The following CMIP variants were observed in gnomAD, a reference collection of about 807,000 sequenced individuals.
CMIP encodes the protein C-Maf-inducing protein.
In CMIP, 13 loss-of-function variants were observed where a neutral mutation model predicts 97.3. The ratio of observed to expected loss-of-function variants is 0.13; its 90% CI spans 0.09 to 0.21. The LOEUF (loss-of-function observed/expected upper bound fraction) is 0.21, where lower values mean the gene tolerates loss of function less well. Ranked by LOEUF, CMIP falls within the 10% of genes least tolerant of loss-of-function variation. CMIP has a pLI of 1.00. For missense variants in CMIP, 847 were observed against 1,024.9 expected (o/e 0.83, Z 2.37); for synonymous variants, 538 against 436.3 (o/e 1.23, Z -2.91).
intron 3 of CMIP, among the ~76,000 whole-genome samples, chr16:81,637,584 C>T (rs917698366): frequency 1.3e-5 from 2 of 152,114 alleles, no homozygotes; most frequent in African/African-American, 2.4e-5. Flanking sequence ...TCATAAGAAG[C>T]GGAAAAGAAA....
intron 1 of CMIP, among the ~76,000 whole-genome samples, chr16:81,489,649 C>T (rs1021614106): frequency 1.3e-5 from 2 of 152,236 alleles, no homozygotes; most frequent in Admixed American, 6.5e-5. Flanking sequence ...GTGGGATGGC[C>T]TTGGCTCCTG....
intron 10 of CMIP, among the ~76,000 whole-genome samples, chr16:81,689,501 G>C (rs1905813097): frequency 6.6e-6 from 1 of 152,050 alleles, no homozygotes; most frequent in Admixed American, 6.6e-5. Context: ...TTTTTGATGG[G>C]GTTGATTTTT....
chr16:81,661,544 T>C (rs2151020753), intron 6 of CMIP, among the ~76,000 whole-genome samples: 1 of 152,306 alleles, frequency 6.6e-6, no homozygotes, highest in East Asian at 1.9e-4. Context: ...TTCTCAGCAC[T>C]CCCCTGTCAT....
chr16:81,668,246 G>A, intron 7 of CMIP, among the ~76,000 whole-genome samples: 1 of 152,152 alleles, frequency 6.6e-6, no homozygotes, highest in East Asian at 1.9e-4. Flanking sequence ...GTTTATGGAG[G>A]GTCGGGGGCA....
At position 81,551,128 on chromosome 16, in the gene CMIP, C is replaced by T. The variant is rs369527345; in HGVS notation, c.301-56439C>T. Among the ~76,000 whole-genome samples, 21 of 149,540 alleles carry T rather than the reference C, an allele frequency of 1.4e-4. 1 individual carries two copies. In the East Asian group the frequency reaches 1.8e-3, roughly 13 times the overall value. On this transcript the variant is annotated intron_variant, in intron 1 of 20. Transcript: ENST00000537098. Reference sequence around the variant, plus strand: ...TCACATATATCCCAGTTCCATCACACGCACCCCAGTTCCATCACACACACC... The same window carrying T: ...TCACATATATCCCAGTTCCATCACATGCACCCCAGTTCCATCACACACACC...
At chr16:81,564,402 G>C (rs1035998621) in intron 1 of CMIP, among the ~76,000 whole-genome samples, 12 of 152,204 alleles carry the variant, frequency 7.9e-5, no homozygotes, top group Non-Finnish European at 1.8e-4. Context: ...TGTTATACAT[G>C]TAATGGTCTC....
intron 1 of CMIP, among the ~76,000 whole-genome samples, chr16:81,473,725 C>T (rs551151469): frequency 3.0e-4 from 45 of 151,632 alleles, no homozygotes; most frequent in Non-Finnish European, 2.5e-4. Context: ...CGCGGGGACG[C>T]AGGGACGCAT....
chr16:81,657,891 G>A, intron 5 of CMIP, 75 bp downstream of exon 5: 1 of 1,310,412 alleles, frequency 7.6e-7, no homozygotes, highest in Middle Eastern at 1.9e-4. Context: ...CTGGTTTGGG[G>A]TAATTCTGGC....
At chr16:81,474,732 G>T (rs984747933) in intron 1 of CMIP, among the ~76,000 whole-genome samples, 2 of 152,184 alleles carry the variant, frequency 1.3e-5, no homozygotes, top group Non-Finnish European at 2.9e-5. Context: ...CTCCTCCTGG[G>T]GCTCCCTCTC....
At chr16:81,629,486 A>G (rs1021775087) in intron 3 of CMIP, among the ~76,000 whole-genome samples, 2 of 152,160 alleles carry the variant, frequency 1.3e-5, no homozygotes, top group African/African-American at 4.8e-5. Flanking sequence ...TCTTGAGGGA[A>G]GACGTTGCCC....
Position 81,506,540 on chromosome 16 carries a change from A to G in CMIP, c.300+60999A>G, listed in dbSNP as rs893355072. On this transcript the variant is annotated intron_variant, in intron 1 of 20. Coordinates refer to ENST00000537098, the MANE Select transcript of CMIP (RefSeq NM_198390.3). The stretch of plus-strand genomic sequence containing the variant: ...ATTAAAATGGGTAATGGAAATAACA[A>G]TCAGTAATGGCTTAAGAACAGAAGC... Among the ~76,000 whole-genome samples the G allele has an allele frequency of 3.9e-5, 6 of 152,262 alleles. No homozygotes were observed. In the East Asian group the frequency reaches 7.7e-4, roughly 20 times the overall value.
chr16:81,703,506 C>T (rs1005362585), intron 17 of CMIP, among the ~76,000 whole-genome samples: 2 of 152,014 alleles, frequency 1.3e-5, no homozygotes, highest in Admixed American at 6.6e-5. Flanking sequence ...CACACACACA[C>T]ACAAATATAC....
At chr16:81,452,023 T>C (rs531503929) in intron 1 of CMIP, among the ~76,000 whole-genome samples, 2 of 151,918 alleles carry the variant, frequency 1.3e-5, no homozygotes, top group East Asian at 3.9e-4. Context: ...GTGGGGGAGG[T>C]GTTTGCTGTG....
intron 1 of CMIP, among the ~76,000 whole-genome samples, chr16:81,509,099 GA>G (rs992879692): frequency 4.6e-5 from 7 of 152,202 alleles, no homozygotes; most frequent in African/African-American, 9.6e-5. Context: ...TCTTCAGAGA[GA>G]AAAAGTGCCA....
intron 1 of CMIP, among the ~76,000 whole-genome samples, chr16:81,568,800 C>T (rs2091031129): frequency 6.6e-6 from 1 of 152,166 alleles, no homozygotes; most frequent in Non-Finnish European, 1.5e-5. Context: ...CCAGCCTCGC[C>T]ATAAACCAGT....
At chr16:81,636,504 C>T (rs189905906) in intron 3 of CMIP, among the ~76,000 whole-genome samples, 125 of 151,236 alleles carry the variant, frequency 8.3e-4, no homozygotes, top group African/African-American at 3.0e-3. Context: ...TCGCTTGAAC[C>T]CAGGGGGCAG....
chr16:81,509,458 C>T (rs553456899), intron 1 of CMIP, among the ~76,000 whole-genome samples: 131 of 152,338 alleles, frequency 8.6e-4, no homozygotes, highest in Admixed American at 1.6e-3. Flanking sequence ...CTGCCTCCTT[C>T]CTGCGTGCAC....
At chr16:81,480,212 G>A (rs1277508490) in intron 1 of CMIP, among the ~76,000 whole-genome samples, 1 of 152,176 alleles carries the variant, frequency 6.6e-6, no homozygotes. Context: ...GGTTATAGAG[G>A]TCAGGTAACT....
intron 4 of CMIP, among the ~76,000 whole-genome samples, chr16:81,654,390 G>A (rs1366389388): frequency 6.6e-6 from 1 of 152,334 alleles, no homozygotes; most frequent in East Asian, 1.9e-4. Flanking sequence ...CTGGCTGAGG[G>A]TGCTTCTTGG....
Sources: allele counts gnomAD v4.1 joint callset (sites outside exome capture counted in the v4.1 genomes callset), GRCh38; gene constraint gnomAD v4.1.1; transcripts MANE v1.5; gene names NCBI Gene and HGNC (gene_info 2026-07-23, HGNC 2026-07-21).